The following NKAIN2 variants were observed in gnomAD, a reference collection of about 807,000 sequenced individuals.
NKAIN2 encodes the protein sodium/potassium-transporting ATPase subunit beta-1-interacting protein 2.
NKAIN2 carries 14 observed loss-of-function variants against 32.6 expected under a neutral mutation model. The ratio of observed to expected loss-of-function variants is 0.43; its 90% CI spans 0.28 to 0.67. The LOEUF is 0.67. Ranked by LOEUF, NKAIN2 falls within the 30% of genes least tolerant of loss-of-function variation. The pLI is 0.17. For missense variants in NKAIN2, 198 were observed against 258.3 expected (o/e 0.77, Z 1.60); for synonymous variants, 80 against 87.2 (o/e 0.92, Z 0.46).
At chr6:124,292,039 G>T (rs972547901) in intron 2 of NKAIN2, among the ~76,000 whole-genome samples, 6 of 152,026 alleles carry the variant, frequency 3.9e-5, no homozygotes, top group Non-Finnish European at 7.4e-5. Context: ...ATTTGCCTTT[G>T]CTATGCTATC....
rs530837476 is a variant in NKAIN2 at position 124,808,430 on chromosome 6, A to G, written c.536-9957A>G. ...CAGAAAAGGCCTTTGACAAAATTCA[A>G]CAACGCTTCATGCTAAAAACTCTCA... On this transcript the variant is annotated intron_variant, in intron 5 of 6. Transcript: ENST00000368417. Among the ~76,000 whole-genome samples the G allele has an allele frequency of 2.0e-5, 3 of 152,364 alleles. No homozygotes were observed. In the East Asian group the frequency reaches 5.8e-4, roughly 29 times the overall value.
At chr6:124,380,838 T>C (rs1772603448) in intron 3 of NKAIN2, among the ~76,000 whole-genome samples, 1 of 152,208 alleles carries the variant, frequency 6.6e-6, no homozygotes, top group Admixed American at 6.5e-5. Flanking sequence ...AAAAGATTCA[T>C]TTGAAGTTCA....
intron 3 of NKAIN2, among the ~76,000 whole-genome samples, chr6:124,646,016 T>A (rs1040860564): frequency 3.3e-5 from 5 of 152,200 alleles, no homozygotes; most frequent in Non-Finnish European, 7.3e-5. Flanking sequence ...GCACAGATAT[T>A]TTGGTATATT....
chr6:123,986,804 G>A (rs1014656109), intron 1 of NKAIN2, among the ~76,000 whole-genome samples: 2 of 152,090 alleles, frequency 1.3e-5, no homozygotes, highest in Admixed American at 1.3e-4. Context: ...ATCAGGTACG[G>A]TTTCACTCAA....
chr6:124,239,255 G>A (rs1034973504), intron 1 of NKAIN2, among the ~76,000 whole-genome samples: 3 of 152,124 alleles, frequency 2.0e-5, no homozygotes, highest in Non-Finnish European at 4.4e-5. Flanking sequence ...CATAAAGCAA[G>A]TTATTAGAGA....
At chr6:123,816,847 C>G (rs538349703) in intron 1 of NKAIN2, among the ~76,000 whole-genome samples, 1 of 152,262 alleles carries the variant, frequency 6.6e-6, no homozygotes, top group South Asian at 2.1e-4. Context: ...ACGCAAGGCC[C>G]TTGATTGGCC....
At chr6:124,624,950 A>G (rs958647042) in intron 3 of NKAIN2, among the ~76,000 whole-genome samples, 1 of 152,120 alleles carries the variant, frequency 6.6e-6, no homozygotes, top group Admixed American at 6.6e-5. Context: ...AAATTTATCC[A>G]ACTTTCTAAT....
At chr6:124,009,322 A>G (rs889787146) in intron 1 of NKAIN2, among the ~76,000 whole-genome samples, 1 of 152,152 alleles carries the variant, frequency 6.6e-6, no homozygotes, top group Admixed American at 6.5e-5. Flanking sequence ...CATATTTTCA[A>G]TTGATATTGA....
chr6:124,398,758 A>G (rs1195832690), intron 3 of NKAIN2, among the ~76,000 whole-genome samples: 1 of 152,236 alleles, frequency 6.6e-6, no homozygotes, highest in Admixed American at 6.5e-5. Flanking sequence ...CAAGCCTACT[A>G]GTTGATTAGT....
intron 1 of NKAIN2, among the ~76,000 whole-genome samples, chr6:123,841,204 G>C (rs1463525897): frequency 2.6e-5 from 4 of 151,944 alleles, no homozygotes; most frequent in African/African-American, 9.7e-5. Context: ...TTTTTCTTTT[G>C]CACCGTATCT....
intron 1 of NKAIN2, among the ~76,000 whole-genome samples, chr6:124,022,365 G>A (rs915682593): frequency 1.3e-5 from 2 of 152,130 alleles, no homozygotes; most frequent in African/African-American, 4.8e-5. Flanking sequence ...ACCTGTGCAT[G>A]TGTCTGTATA....
chr6:124,248,697 C>T (rs951396991), intron 1 of NKAIN2, among the ~76,000 whole-genome samples: 1 of 152,020 alleles, frequency 6.6e-6, no homozygotes, highest in Non-Finnish European at 1.5e-5. Context: ...AGTTGTAAAA[C>T]CATATTTTAT....
chr6:124,675,430 CTTCT>C (rs1773311066), intron 4 of NKAIN2, among the ~76,000 whole-genome samples: 1 of 152,008 alleles, frequency 6.6e-6, no homozygotes, highest in African/African-American at 2.4e-5. Flanking sequence ...AGTGTTCTCT[CTTCT>C]TTAATTTTTT....
chr6:124,724,282 G>A (rs565071892), intron 4 of NKAIN2, among the ~76,000 whole-genome samples: 6 of 151,602 alleles, frequency 4.0e-5, no homozygotes, highest in Admixed American at 6.6e-5. Context: ...GCACAAGATG[G>A]CACCCCAACT....
intron 4 of NKAIN2, among the ~76,000 whole-genome samples, chr6:124,779,306 GGGAGGGAGGGAGGGAA>G (rs1392291851): frequency 3.4e-5 from 3 of 87,646 alleles, no homozygotes; most frequent in African/African-American, 5.2e-5. Flanking sequence ...GAGGGAGGGA[GGGAGGGAGGGAGGGAA>G]GGAAGGAAGG....
chr6:123,840,002 T>A (rs1167196041), intron 1 of NKAIN2, among the ~76,000 whole-genome samples: 1 of 152,098 alleles, frequency 6.6e-6, no homozygotes, highest in Non-Finnish European at 1.5e-5. Flanking sequence ...TTTCTAACAG[T>A]TTTTGTTTTC....
At chr6:124,210,385 T>C (rs1791110216) in intron 1 of NKAIN2, among the ~76,000 whole-genome samples, 7 of 151,986 alleles carry the variant, frequency 4.6e-5, no homozygotes, top group Admixed American at 3.3e-4. Context: ...CTGTCTAGTT[T>C]TGTTCTTTTT....
intron 1 of NKAIN2, among the ~76,000 whole-genome samples, chr6:123,831,817 T>G (rs4897541): frequency 6.6e-6 from 1 of 151,800 alleles, no homozygotes; most frequent in Non-Finnish European, 1.5e-5. Flanking sequence ...TACCACGTCC[T>G]GCTAATTTTT....
At chr6:124,783,511 C>T (rs540343944) in intron 4 of NKAIN2, among the ~76,000 whole-genome samples, 3 of 152,272 alleles carry the variant, frequency 2.0e-5, no homozygotes, top group Admixed American at 1.3e-4. Context: ...AGGCTGTGAA[C>T]ATTCACAATA....
Sources: gnomAD v4.1 joint callset for allele counts (sites outside exome capture counted in the v4.1 genomes callset) on GRCh38, gnomAD v4.1.1 for gene constraint, MANE v1.5 for transcripts, NCBI Gene and HGNC (gene_info 2026-07-23, HGNC 2026-07-21) for gene names.